Variants in CAST observed in about 807,000 individuals in gnomAD.
CAST encodes MIR583 host.
Under a neutral mutation model 119.6 loss-of-function variants are expected in CAST, and 76 were observed. That is an observed-to-expected ratio of 0.64 (90% confidence interval 0.53 to 0.77). CAST has a LOEUF of 0.77. Among genes scored for constraint, CAST ranks in the 30% least tolerant of loss-of-function variants. The probability of loss-of-function intolerance (pLI) is 0.00; values close to 1 mark genes in which losing one functional copy is unlikely to be tolerated. For missense variants in CAST, 953 were observed against 946.5 expected (o/e 1.01, Z -0.09); for synonymous variants, 319 against 331.6 (o/e 0.96, Z 0.41).
At chr5:96,749,338 G>A (rs1764459285) in intron 19 of CAST, among the ~76,000 whole-genome samples, 1 of 152,114 alleles carries the variant, frequency 6.6e-6, no homozygotes, top group Non-Finnish European at 1.5e-5. Flanking sequence ...TAAAGCCTTT[G>A]TTACAAAGAA....
At chr5:96,080,785 C>T in the CAST span, among the ~76,000 whole-genome samples, 1 of 152,156 alleles carries the variant, frequency 6.6e-6, no homozygotes, top group Non-Finnish European at 1.5e-5. Context: ...TTGAGCTGAG[C>T]TCTGATTCAC....
chr5:96,024,376 A>G, the CAST span, among the ~76,000 whole-genome samples: 1 of 152,196 alleles, frequency 6.6e-6, no homozygotes, highest in African/African-American at 2.4e-5. Context: ...TCACGGAACA[A>G]TTTTAATAAT....
Position 96,771,662 on chromosome 5 carries a change from A to G in CAST, c.2359A>G (p.Lys787Glu). Residue 787 changes from lysine (K) to glutamate (E), a missense_variant, in exon 31 of 32, where the codon AAG becomes GAG. By Grantham distance (56) the Lys-to-Glu change is moderately conservative (BLOSUM62 1). Coordinates refer to ENST00000675179, the MANE Select transcript of CAST (RefSeq NM_001750.7). ...DSAKTTEETS[K>E]PKDD ...CTTTTAGACAACAGAGGAAACTTCC[A>G]AGCCAAAAGATGACTAAAGAAATAC... 1 of 1,612,300 alleles carries G rather than the reference A, an allele frequency of 6.2e-7. No individual in the cohort carries two copies.
chr5:96,468,899 G>A, the CAST span, among the ~76,000 whole-genome samples: 2 of 152,064 alleles, frequency 1.3e-5, no homozygotes, highest in Middle Eastern at 3.2e-3. Flanking sequence ...AGATAAAGGG[G>A]ATCTCGTCTA....
the CAST span, among the ~76,000 whole-genome samples, chr5:96,309,627 T>C: frequency 6.6e-6 from 1 of 152,128 alleles, no homozygotes; most frequent in African/African-American, 2.4e-5. Context: ...AGGAAGACCA[T>C]GGAAAAAGCA....
At chr5:96,743,698 C>A (rs26506) in intron 16 of CAST, 9 of 1,611,990 alleles carry the variant, frequency 5.6e-6, no homozygotes, top group Non-Finnish European at 6.8e-6. Flanking sequence ...AGCTTTGTGA[C>A]GGTGAACGCA....
chr5:96,456,466 AC>A, the CAST span, among the ~76,000 whole-genome samples: 17 of 152,102 alleles, frequency 1.1e-4, no homozygotes, highest in Non-Finnish European at 2.1e-4. Context: ...GCCCACTCCC[AC>A]CGTTTGGAAA....
At chr5:96,446,169 T>C in the CAST span, among the ~76,000 whole-genome samples, 13 of 140,924 alleles carry the variant, frequency 9.2e-5, no homozygotes, top group African/African-American at 3.7e-4. Context: ...CCAAAATAAT[T>C]TTTAGTGTAC....
the CAST span, among the ~76,000 whole-genome samples, chr5:96,384,879 T>C: frequency 1.3e-5 from 2 of 152,180 alleles, no homozygotes; most frequent in African/African-American, 4.8e-5. Flanking sequence ...TGAGAAGTCC[T>C]ACAGTGAAAA....
chr5:96,484,251 A>G, the CAST span, among the ~76,000 whole-genome samples: 9 of 152,162 alleles, frequency 5.9e-5, no homozygotes, highest in Non-Finnish European at 2.9e-5. Context: ...GCCTGCCATT[A>G]TGACTAAGTT....
chr5:96,609,142 A>G (rs1747315411), intron 1 of CAST, among the ~76,000 whole-genome samples: 1 of 152,180 alleles, frequency 6.6e-6, no homozygotes, highest in African/African-American at 2.4e-5. Context: ...ATCTCACAAC[A>G]ATTATGTAAT....
the CAST span, among the ~76,000 whole-genome samples, chr5:96,477,537 T>C: frequency 2.6e-5 from 4 of 152,338 alleles, no homozygotes; most frequent in African/African-American, 9.6e-5. Context: ...ACAGTCACCA[T>C]GGTATTTTGA....
the CAST span, among the ~76,000 whole-genome samples, chr5:96,019,000 C>T: frequency 6.6e-6 from 1 of 152,124 alleles, no homozygotes; most frequent in Non-Finnish European, 1.5e-5. Flanking sequence ...TTATTCCCTG[C>T]CTAACAAGCT....
chr5:96,257,341 A>G, the CAST span, among the ~76,000 whole-genome samples: 1 of 152,326 alleles, frequency 6.6e-6, no homozygotes, highest in East Asian at 1.9e-4. Flanking sequence ...GGTTCTGATC[A>G]AATGCATTAC....
the CAST span, among the ~76,000 whole-genome samples, chr5:96,413,963 C>CAAAAAAAAAAA: frequency 4.5e-5 from 1 of 22,436 alleles, no homozygotes; most frequent in Non-Finnish European, 1.3e-4. Context: ...ACTAAAAATA[C>CAAAAAAAAAAA]AAAAAAAAAA....
intron 1 of CAST, among the ~76,000 whole-genome samples, chr5:96,666,287 C>G (rs1051185664): frequency 6.7e-6 from 1 of 149,254 alleles, no homozygotes; most frequent in African/African-American, 2.5e-5. Context: ...CACCACACAA[C>G]TCTGCAGAGC....
chr5:96,680,198 A>T (rs181945740), intron 2 of CAST, among the ~76,000 whole-genome samples: 1 of 150,504 alleles, frequency 6.6e-6, no homozygotes, highest in Non-Finnish European at 1.5e-5. Flanking sequence ...AAAATACAAA[A>T]ATTGGCCAGG....
At chr5:96,478,537 G>A in the CAST span, among the ~76,000 whole-genome samples, 1 of 152,182 alleles carries the variant, frequency 6.6e-6, no homozygotes, top group Non-Finnish European at 1.5e-5. Context: ...ATTGGTTAAG[G>A]TAAAGCCTTA....
the CAST span, among the ~76,000 whole-genome samples, chr5:96,218,819 C>T: frequency 6.6e-6 from 1 of 152,206 alleles, no homozygotes; most frequent in Non-Finnish European, 1.5e-5. Context: ...AGAGGCACAG[C>T]AGGCCGGGAG....
Sources: allele counts gnomAD v4.1 joint callset (sites outside exome capture counted in the v4.1 genomes callset), GRCh38; gene constraint gnomAD v4.1.1; transcripts MANE v1.5; gene names NCBI Gene and HGNC (gene_info 2026-07-23, HGNC 2026-07-21).